The following WDR49 variants were observed in gnomAD, a reference collection of about 807,000 sequenced individuals.
WDR49 encodes WD repeat domain 49.
In WDR49, 107 loss-of-function variants were observed where a neutral mutation model predicts 119.5. The ratio of observed to expected loss-of-function variants is 0.90; its 90% CI spans 0.77 to 1.05. WDR49 has a LOEUF of 1.05. Among genes scored for constraint, WDR49 ranks in the 50% least tolerant of loss-of-function variants. The pLI is 0.00. For missense variants in WDR49, 1,240 were observed against 1,220.5 expected, an observed-to-expected ratio of 1.02 and a Z score of -0.24; for synonymous variants, 425 against 418.8, an observed-to-expected ratio of 1.01 and a Z score of -0.18.
At chr3:167,483,830 T>C (rs781489641) in intron 18 of WDR49, among the ~76,000 whole-genome samples, 5 of 152,174 alleles carry the variant, frequency 3.3e-5, no homozygotes, top group Non-Finnish European at 5.9e-5. Flanking sequence ...AGGGTCTTTA[T>C]AGATGAGGCC....
chr3:167,640,655 T>C (rs1415165296), intron 2 of WDR49, among the ~76,000 whole-genome samples: 1 of 151,818 alleles, frequency 6.6e-6, no homozygotes, highest in Non-Finnish European at 1.5e-5. Flanking sequence ...AGTTGGAAAA[T>C]GAAATCTGAG....
chr3:167,651,106 G>C (rs1411582211), intron 2 of WDR49, among the ~76,000 whole-genome samples: 1 of 152,134 alleles, frequency 6.6e-6, no homozygotes. Context: ...GGAAATACAC[G>C]TAAAACATTT....
At chr3:167,624,243 G>A (rs1717010060) in intron 3 of WDR49, among the ~76,000 whole-genome samples, 1 of 151,544 alleles carries the variant, frequency 6.6e-6, no homozygotes, top group Non-Finnish European at 1.5e-5. Flanking sequence ...CATACCAAAT[G>A]TTTGTGAGGC....
At chr3:167,656,160 C>T (rs1208046279), upstream of WDR49, among the ~76,000 whole-genome samples, 9 of 151,438 alleles carry the variant, frequency 5.9e-5, no homozygotes, top group South Asian at 1.9e-3. Context: ...TGATATGTAT[C>T]ACACACACAG....
chr3:167,545,736 A>G (rs1174764741), intron 10 of WDR49, among the ~76,000 whole-genome samples: 1 of 150,306 alleles, frequency 6.7e-6, no homozygotes, highest in African/African-American at 2.4e-5. Context: ...GGAGTGAGGG[A>G]TAAAAGACTG....
At chr3:167,583,559 A>T (rs1233889519) in intron 7 of WDR49, among the ~76,000 whole-genome samples, 1 of 152,048 alleles carries the variant, frequency 6.6e-6, no homozygotes, top group East Asian at 1.9e-4. Flanking sequence ...ATAAAGCATA[A>T]TTTCTGTTGC....
chr3:167,641,363 G>A (rs931568969), intron 2 of WDR49, among the ~76,000 whole-genome samples: 1 of 151,810 alleles, frequency 6.6e-6, no homozygotes, highest in African/African-American at 2.4e-5. Flanking sequence ...TCTCTTGTAA[G>A]TACCACTTTT....
intron 2 of WDR49, among the ~76,000 whole-genome samples, chr3:167,630,216 CT>C (rs1263837766): frequency 6.6e-6 from 1 of 152,104 alleles, no homozygotes; most frequent in Non-Finnish European, 1.5e-5. Flanking sequence ...AACCACCACC[CT>C]GATCAGTCAG....
At chr3:167,558,544 C>T (rs577040295) in intron 9 of WDR49, among the ~76,000 whole-genome samples, 1 of 152,304 alleles carries the variant, frequency 6.6e-6, no homozygotes, top group East Asian at 1.9e-4. Context: ...TATTATACTA[C>T]TAAATTCACA....
At chr3:167,505,276 T>C in intron 17 of WDR49, 31 bp downstream of exon 17, 25 of 1,439,320 alleles carry the variant, frequency 1.7e-5, no homozygotes, top group Non-Finnish European at 2.2e-5. Context: ...AATAATATTA[T>C]AAAAATACAT....
chr3:167,583,116 A>G (rs1215439784), intron 7 of WDR49, among the ~76,000 whole-genome samples: 1 of 152,134 alleles, frequency 6.6e-6, no homozygotes, highest in Non-Finnish European at 1.5e-5. Flanking sequence ...TTTAAATCTC[A>G]GCTTGATTCT....
At chr3:167,655,693 T>G (rs1400365341), upstream of WDR49, among the ~76,000 whole-genome samples, 1 of 151,404 alleles carries the variant, frequency 6.6e-6, no homozygotes, top group East Asian at 1.9e-4. Flanking sequence ...AGGTCAGGAG[T>G]TCAAGACCAG....
At chr3:167,638,572 T>C (rs936890739) in intron 2 of WDR49, among the ~76,000 whole-genome samples, 2 of 151,710 alleles carry the variant, frequency 1.3e-5, no homozygotes, top group East Asian at 3.9e-4. Flanking sequence ...GAACGTCTCC[T>C]GGAGCAGAAG....
intron 2 of WDR49, among the ~76,000 whole-genome samples, chr3:167,646,977 C>T (rs1329673235): frequency 6.6e-6 from 1 of 152,132 alleles, no homozygotes; most frequent in African/African-American, 2.4e-5. Flanking sequence ...TAGAGGATTC[C>T]TATTTCTAGC....
At chr3:167,535,383 T>C (rs1011189368) in intron 11 of WDR49, among the ~76,000 whole-genome samples, 2 of 151,830 alleles carry the variant, frequency 1.3e-5, no homozygotes, top group Non-Finnish European at 2.9e-5. Context: ...TATAACAAAA[T>C]CAAACAACTC....
chr3:167,547,727 T>C (rs1712297699), intron 10 of WDR49, among the ~76,000 whole-genome samples: 1 of 151,082 alleles, frequency 6.6e-6, no homozygotes, highest in Non-Finnish European at 1.5e-5. Flanking sequence ...AGGCTAATTA[T>C]AAAAAATGAC....
At chr3:167,504,670 A>G (rs758267219) in intron 17 of WDR49, among the ~76,000 whole-genome samples, 9 of 152,084 alleles carry the variant, frequency 5.9e-5, no homozygotes, top group Non-Finnish European at 8.8e-5. Context: ...TTTATTTTTC[A>G]ATGGGAGAAG....
intron 7 of WDR49, among the ~76,000 whole-genome samples, chr3:167,598,970 C>T (rs1395070485): frequency 1.3e-5 from 2 of 152,178 alleles, no homozygotes; most frequent in African/African-American, 2.4e-5. Context: ...CCACTTGGGG[C>T]TGATGGTGGA....
intron 16 of WDR49, among the ~76,000 whole-genome samples, chr3:167,505,885 A>C (rs1201324936): frequency 6.6e-6 from 1 of 152,224 alleles, no homozygotes; most frequent in African/African-American, 2.4e-5. Flanking sequence ...TGAATCTATA[A>C]GAAAATTTTA....
Sources: allele counts gnomAD v4.1 joint callset (sites outside exome capture counted in the v4.1 genomes callset), GRCh38; gene constraint gnomAD v4.1.1; transcripts MANE v1.5; gene names NCBI Gene and HGNC (gene_info 2026-07-23, HGNC 2026-07-21).